TEAD1: variants seen among roughly 807,000 people sequenced by gnomAD.
The protein encoded by TEAD1 is TEA domain transcription factor 1.
Under a neutral mutation model 54.9 loss-of-function variants are expected in TEAD1, and 9 were observed. The observed-to-expected ratio is 0.16, with a 90% CI of 0.10 to 0.29. The LOEUF (loss-of-function observed/expected upper bound fraction) is 0.29. TEAD1 is among the 10% of genes least tolerant of loss of function. The pLI, the probability that TEAD1 is intolerant of heterozygous loss-of-function variation, is 1.00. For missense variants in TEAD1, 387 were observed against 535.9 expected, an observed-to-expected ratio of 0.72 and a Z score of 2.74; for synonymous variants, 200 against 187.8, an observed-to-expected ratio of 1.07 and a Z score of -0.53.
At position 12,924,933 on chromosome 11, in the gene TEAD1, C is replaced by A. The variant is rs1426099840; in HGVS notation, c.895C>A (p.Gln299Lys). ...ACAGGCTGATTTAAACTGCAATATT[C>A]AAGATGATGCTGGGGCTTTTTATGG... Residue 299 changes from glutamine to lysine, a missense_variant, in exon 11 of 13, where the codon CAA becomes AAA. Transcript: ENST00000527636. 1 of 1,614,170 alleles carries A rather than the reference C, an allele frequency of 6.2e-7. No homozygotes were observed. Among genetic ancestry groups the A allele is most frequent in the Non-Finnish European group, 8.5e-7 (1 of 1,180,030 alleles).
chr11:12,678,521 C>G (rs1182826702), intron 2 of TEAD1, among the ~76,000 whole-genome samples: 1 of 152,164 alleles, frequency 6.6e-6, no homozygotes, highest in Non-Finnish European at 1.5e-5. Flanking sequence ...TTTATTCTTT[C>G]ATATTCATAA....
intron 2 of TEAD1, among the ~76,000 whole-genome samples, chr11:12,754,254 C>T (rs575200983): frequency 6.6e-6 from 1 of 152,324 alleles, no homozygotes; most frequent in African/African-American, 2.4e-5. Context: ...TATGTTGTCT[C>T]ACTTTTATCC....
At chr11:12,741,600 C>T (rs1043736693) in intron 2 of TEAD1, among the ~76,000 whole-genome samples, 1 of 152,138 alleles carries the variant, frequency 6.6e-6, no homozygotes, top group African/African-American at 2.4e-5. Flanking sequence ...TTATTCTGCT[C>T]TGTAATTGTC....
chr11:12,764,190 T>A lies in TEAD1; in HGVS notation c.-43T>A, dbSNP rs764095562. 1.6e-5 allele frequency: 25 copies of A among 1,595,162 alleles called. No individual in the cohort carries two copies. The highest frequency in any genetic ancestry group is 3.5e-5 in the Admixed American group (2 of 56,904). On this transcript the variant is annotated 5_prime_UTR_variant, in exon 3 of 13. Transcript: ENST00000527636. Reference sequence around the variant, plus strand: ...GTTTTCTCTTCTAGGTTTATTTTCTTGAAAAGGCTCCAGGCTTCGGCTTGG... The same window carrying A: ...GTTTTCTCTTCTAGGTTTATTTTCTAGAAAAGGCTCCAGGCTTCGGCTTGG...
At chr11:12,824,743 A>T (rs1023477830) in intron 3 of TEAD1, among the ~76,000 whole-genome samples, 3 of 151,870 alleles carry the variant, frequency 2.0e-5, no homozygotes, top group Non-Finnish European at 2.9e-5. Flanking sequence ...CCAGTCCTGA[A>T]CTCTGGGGTG....
At chr11:12,724,045 A>G (rs1325784622) in intron 2 of TEAD1, among the ~76,000 whole-genome samples, 2 of 152,174 alleles carry the variant, frequency 1.3e-5, no homozygotes, top group African/African-American at 4.8e-5. Context: ...ATTGAAACAC[A>G]TTCCCCTTTG....
chr11:12,740,313 G>A (rs1200065922), intron 2 of TEAD1, among the ~76,000 whole-genome samples: 1 of 152,140 alleles, frequency 6.6e-6, no homozygotes, highest in Non-Finnish European at 1.5e-5. Context: ...CTTAGAACAG[G>A]GTTCTCTAGA....
intron 10 of TEAD1, 66 bp from the exon 11 acceptor site, chr11:12,924,846 T>C (rs1948880108): frequency 6.3e-7 from 1 of 1,598,888 alleles, no homozygotes; most frequent in South Asian, 1.1e-5. Context: ...ACCCTGAAAG[T>C]TACTGCTCGG....
intron 2 of TEAD1, among the ~76,000 whole-genome samples, chr11:12,747,299 C>T (rs1393380150): frequency 1.3e-5 from 2 of 151,816 alleles, no homozygotes; most frequent in African/African-American, 2.4e-5. Flanking sequence ...GATATATTAG[C>T]AGTAATTATT....
chr11:12,936,369 A>AT (rs1564997188), intron 12 of TEAD1, among the ~76,000 whole-genome samples: 2 of 152,208 alleles, frequency 1.3e-5, no homozygotes, highest in African/African-American at 4.8e-5. Context: ...GCCCATGTCT[A>AT]TGGAAAGAAT....
intron 2 of TEAD1, among the ~76,000 whole-genome samples, chr11:12,725,347 C>G (rs1045270851): frequency 2.0e-5 from 3 of 152,142 alleles, no homozygotes; most frequent in African/African-American, 7.2e-5. Flanking sequence ...CAAAATGAAA[C>G]TTTTTCTGCA....
chr11:12,760,849 A>C (rs1945088267), intron 2 of TEAD1, among the ~76,000 whole-genome samples: 1 of 152,148 alleles, frequency 6.6e-6, no homozygotes, highest in African/African-American at 2.4e-5. Context: ...TTTGGTATCC[A>C]GTATGGGGAG....
chr11:12,800,793 A>G (rs955974690), intron 3 of TEAD1, among the ~76,000 whole-genome samples: 3 of 152,270 alleles, frequency 2.0e-5, no homozygotes, highest in Admixed American at 1.3e-4. Flanking sequence ...CTCTGCCCCC[A>G]AGCACCATGT....
chr11:12,847,155 A>G (rs897269656), intron 3 of TEAD1, among the ~76,000 whole-genome samples: 9 of 152,176 alleles, frequency 5.9e-5, no homozygotes, highest in South Asian at 4.1e-4. Flanking sequence ...CCCATGAGCC[A>G]TGATGTCATA....
At chr11:12,789,622 T>C (rs890189435) in intron 3 of TEAD1, among the ~76,000 whole-genome samples, 1 of 152,150 alleles carries the variant, frequency 6.6e-6, no homozygotes. Flanking sequence ...ACACCCGACA[T>C]CTCCCTCCAG....
At chr11:12,911,373 CTG>C (rs1948614794) in intron 10 of TEAD1, among the ~76,000 whole-genome samples, 1 of 152,146 alleles carries the variant, frequency 6.6e-6, no homozygotes, top group Non-Finnish European at 1.5e-5. Flanking sequence ...AATTGTAGAC[CTG>C]AGTCTGTCAT....
At chr11:12,772,688 T>C (rs1291446445) in intron 3 of TEAD1, among the ~76,000 whole-genome samples, 2 of 152,226 alleles carry the variant, frequency 1.3e-5, no homozygotes, top group Non-Finnish European at 2.9e-5. Flanking sequence ...GGATCCTTTA[T>C]GCATGTTGCC....
At chr11:12,807,455 G>A (rs1946199255) in intron 3 of TEAD1, among the ~76,000 whole-genome samples, 1 of 152,200 alleles carries the variant, frequency 6.6e-6, no homozygotes, top group South Asian at 2.1e-4. Context: ...GCCACTTCTA[G>A]TTACTTGTGT....
rs566426393 is a variant in TEAD1 at position 12,769,508 on chromosome 11, A to G, written c.202+5074A>G. On this transcript the variant is annotated intron_variant, in intron 3 of 12. Transcript: ENST00000527636. The stretch of plus-strand genomic sequence containing the variant: ...TCCTCTGGATGCAGAGGACTGGTCA[A>G]AAAATTGCAGAATCATCCTTTTATA... Among the ~76,000 whole-genome samples the G allele has an allele frequency of 2.0e-5, 3 of 152,224 alleles. No homozygotes were observed. The South Asian group carries it at 6.2e-4, about 32-fold the overall frequency.
Sources: gnomAD v4.1 joint callset for allele counts (sites outside exome capture counted in the v4.1 genomes callset) on GRCh38, gnomAD v4.1.1 for gene constraint, MANE v1.5 for transcripts, NCBI Gene and HGNC (gene_info 2026-07-23, HGNC 2026-07-21) for gene names.